Variants in FMN1 observed in about 807,000 individuals in gnomAD.
FMN1 encodes formin 1.
In FMN1, 110 loss-of-function variants were observed where a neutral mutation model predicts 132.4. The ratio of observed to expected loss-of-function variants is 0.83; its 90% confidence interval spans 0.71 to 0.97. The LOEUF is 0.97. Ranked by LOEUF, FMN1 falls within the 50% of genes least tolerant of loss-of-function variation. FMN1 has a pLI of 0.00. For synonymous variants in FMN1, 722 were observed against 651.7 expected, an observed-to-expected ratio of 1.11 and a Z score of -1.64; for missense variants, 1,792 against 1,705.3, an observed-to-expected ratio of 1.05 and a Z score of -0.90.
chr15:32,791,921 C>T (rs2057094087), intron 19 of FMN1, among the ~76,000 whole-genome samples: 1 of 151,774 alleles, frequency 6.6e-6, no homozygotes, highest in African/African-American at 2.4e-5. Flanking sequence ...AAATGTAGGT[C>T]TAAAACTTGG....
intron 4 of FMN1, among the ~76,000 whole-genome samples, chr15:33,113,340 A>T (rs977018510): frequency 6.6e-6 from 1 of 152,162 alleles, no homozygotes; most frequent in African/African-American, 2.4e-5. Context: ...CAAAATTTGA[A>T]TTATCTATTG....
intron 3 of FMN1, among the ~76,000 whole-genome samples, chr15:33,159,981 T>A (rs1391719222): frequency 6.6e-6 from 1 of 152,060 alleles, no homozygotes. Flanking sequence ...TTGCAGGAAG[T>A]TTGCAGCCAA....
chr15:33,012,515 T>C (rs575118409), intron 6 of FMN1: 143 of 1,496,906 alleles, frequency 9.6e-5, no homozygotes, highest in Middle Eastern at 2.3e-4. Context: ...ATGGAAGTGA[T>C]TGAAATCATG....
intron 3 of FMN1, among the ~76,000 whole-genome samples, chr15:33,171,935 C>T (rs536306868): frequency 7.9e-5 from 12 of 152,232 alleles, no homozygotes; most frequent in Admixed American, 6.5e-4. Flanking sequence ...TTTGGCCGGG[C>T]GCGGTGGCTC....
chr15:32,922,926 G>A (rs2060868765), intron 10 of FMN1, among the ~76,000 whole-genome samples: 2 of 152,208 alleles, frequency 1.3e-5, no homozygotes, highest in South Asian at 2.1e-4. Flanking sequence ...ACATTTTAAT[G>A]GGGAAAATGG....
intron 5 of FMN1, among the ~76,000 whole-genome samples, chr15:33,074,073 A>G (rs1471279746): frequency 2.0e-5 from 3 of 152,100 alleles, no homozygotes; most frequent in African/African-American, 7.2e-5. Flanking sequence ...TTTGAGGTCA[A>G]GGGAAGCGGA....
chr15:32,891,821 G>A (rs1030295081), intron 15 of FMN1, among the ~76,000 whole-genome samples: 5 of 152,022 alleles, frequency 3.3e-5, no homozygotes, highest in East Asian at 1.9e-4. Context: ...TGCAGCTATT[G>A]TAAAAGAGGT....
At chr15:32,988,064 T>TTTC (rs1019467849) in intron 7 of FMN1, among the ~76,000 whole-genome samples, 1 of 149,760 alleles carries the variant, frequency 6.7e-6, no homozygotes, top group African/African-American at 2.5e-5. Context: ...TTTTTTTTTT[T>TTTC]TTTTTTCTTT....
intron 7 of FMN1, among the ~76,000 whole-genome samples, chr15:32,984,494 C>T (rs969990442): frequency 6.6e-6 from 1 of 152,050 alleles, no homozygotes; most frequent in African/African-American, 2.4e-5. Flanking sequence ...CACCTTGCTT[C>T]TTGATATATT....
intron 5 of FMN1, among the ~76,000 whole-genome samples, chr15:33,073,149 C>G (rs1486210478): frequency 6.6e-6 from 1 of 152,176 alleles, no homozygotes; most frequent in East Asian, 1.9e-4. Flanking sequence ...TGTAGCACTT[C>G]TCGCTATTAC....
At chr15:33,139,487 A>G (rs1305157482) in intron 4 of FMN1, among the ~76,000 whole-genome samples, 3 of 152,216 alleles carry the variant, frequency 2.0e-5, no homozygotes, top group Non-Finnish European at 4.4e-5. Context: ...ACTACTCAGG[A>G]GGCTGAGGCA....
intron 5 of FMN1, among the ~76,000 whole-genome samples, chr15:33,082,456 A>AC (rs1223671882): frequency 7.2e-5 from 11 of 152,080 alleles, no homozygotes; most frequent in Admixed American, 7.2e-4. Flanking sequence ...TTCAGGCCAT[A>AC]CCTCTTTTTA....
At chr15:32,956,031 T>C (rs566002272) in intron 9 of FMN1, among the ~76,000 whole-genome samples, 4 of 152,334 alleles carry the variant, frequency 2.6e-5, no homozygotes, top group South Asian at 2.1e-4. Flanking sequence ...TGTGGGTAAT[T>C]TGCTGTGAAA....
rs2038490339 is a variant in FMN1 at position 33,082,042 on chromosome 15, TG to T, written c.2043+6756del. 3.6e-5 allele frequency among the ~76,000 whole-genome samples: 5 copies of T among 139,430 alleles called. No individual in the cohort carries two copies. In the South Asian group the frequency reaches 6.8e-4, roughly 19 times the overall value. 91.5% of individuals were successfully genotyped at this position (139,430 alleles called of 152,430 possible). A position where few individuals can be genotyped will look rare whatever the true frequency, so the allele number is the denominator to read the frequency against. Reference sequence around the variant, plus strand: ...AGGGGTGTGTGTGTGTGTGTGTGTGTGTGTGTGTGTGTAAGACGGAGTCTCG... The same window carrying T: ...AGGGGTGTGTGTGTGTGTGTGTGTGTTGTGTGTGTGTAAGACGGAGTCTCG... On this transcript the variant is annotated intron_variant, in intron 5 of 20. Transcript: ENST00000616417.
In FMN1 at chr15:32,766,161, ATG is replaced by A. The variant is rs2056039166; in HGVS notation, c.*8147_*8148del. 6.6e-6 allele frequency: 1 copy of A among 152,214 alleles called. No individual in the cohort carries two copies. The highest frequency in any genetic ancestry group is 2.4e-5 in the African/African-American group (1 of 41,452). 9.4% of individuals were successfully genotyped at this position (152,214 alleles called of 1,614,324 possible). ...AATACTTAATTAAACAGAAAAGCCT[ATG>A]TTTTACCAGGTTAAATGGCTATTTA... On this transcript the variant is annotated 3_prime_UTR_variant, in exon 21 of 21. Transcript: ENST00000616417.
chr15:32,991,870 A>G (rs1045490154), intron 7 of FMN1, among the ~76,000 whole-genome samples: 3 of 152,182 alleles, frequency 2.0e-5, no homozygotes, highest in Non-Finnish European at 4.4e-5. Flanking sequence ...GAACAAGAGA[A>G]CAACCTCTTG....
Position 33,023,459 on chromosome 15 carries a change from A to C in FMN1, c.2162-15384T>G, listed in dbSNP as rs543042415. ...TTACCAAAATAAAGGCAAGAATAAT[A>C]ATCATCATAAACAATAATGATAGTA... On this transcript the variant is annotated intron_variant, in intron 6 of 20. Coordinates refer to ENST00000616417, the MANE Select transcript of FMN1 (RefSeq NM_001277313.2). Among the ~76,000 whole-genome samples the C allele has an allele frequency of 2.2e-4, 34 of 152,324 alleles. No individual in the cohort carries two copies. The South Asian group carries it at 4.4e-3, about 19-fold the overall frequency.
In FMN1 at chr15:33,088,861, G is replaced by A; in HGVS notation, c.1981C>T (p.Pro661Ser). ...TCCCTTTCCTCATGAAGCAAAAATG[G>A]ACAGGCTGGTCCCGCTCTGTAGCCC... ...VLGYRAGPAC[P>S]FLLHEEREKS... Residue 661 changes from proline to serine, a missense_variant, in exon 5 of 21, where the codon CCA becomes TCA. Around this residue, in one of 3 missense-constraint regions of FMN1, gnomAD observed 1,150 missense variants for 1,043.1 expected, o/e 1.10. Coordinates refer to ENST00000616417, the MANE Select transcript of FMN1 (RefSeq NM_001277313.2). 1 of 1,535,856 alleles carries A rather than the reference G, an allele frequency of 6.5e-7. No homozygotes were observed. Among genetic ancestry groups the A allele is most frequent in the Non-Finnish European group, 8.7e-7 (1 of 1,146,802 alleles).
chr15:33,106,420 T>C (rs2039490788), intron 4 of FMN1, among the ~76,000 whole-genome samples: 1 of 152,074 alleles, frequency 6.6e-6, no homozygotes, highest in Admixed American at 6.6e-5. Flanking sequence ...TCTACAAAAG[T>C]GTATAAACAT....
Sources: allele counts gnomAD v4.1 joint callset (sites outside exome capture counted in the v4.1 genomes callset), GRCh38; gene constraint gnomAD v4.1.1; regional missense constraint gnomAD v4.1.1; transcripts MANE v1.5; gene names NCBI Gene and HGNC (gene_info 2026-07-23, HGNC 2026-07-21).